PCDH9: variants seen among roughly 807,000 people sequenced by gnomAD.
PCDH9 encodes the protein protocadherin 9, also known as protocadherin-9.
Under a neutral mutation model 70.6 loss-of-function variants are expected in PCDH9, and 24 were observed. The ratio of observed to expected loss-of-function variants is 0.34; its 90% CI spans 0.25 to 0.48. The LOEUF is 0.48. Among genes scored for constraint, PCDH9 ranks in the 20% least tolerant of loss-of-function variants. PCDH9 has a pLI of 0.99. For synonymous variants in PCDH9, 562 were observed against 558.5 expected (o/e 1.01, Z -0.09); for missense variants, 1,281 against 1,503.6 (o/e 0.85, Z 2.45).
chr13:66,364,407 T>C (rs907043065), intron 4 of PCDH9, among the ~76,000 whole-genome samples: 6 of 152,166 alleles, frequency 3.9e-5, no homozygotes, highest in Non-Finnish European at 5.9e-5. Context: ...TCCTTCATCA[T>C]TGGAACTTTA....
chr13:67,206,288 C>T (rs2089342980), intron 2 of PCDH9: 1 of 152,394 alleles, frequency 6.6e-6, no homozygotes, highest in Non-Finnish European at 1.5e-5. Flanking sequence ...GCCTCAGTCT[C>T]CCGAGTAGCT....
intron 3 of PCDH9, among the ~76,000 whole-genome samples, chr13:66,770,661 G>A (rs1317782109): frequency 6.6e-6 from 1 of 152,098 alleles, no homozygotes; most frequent in Non-Finnish European, 1.5e-5. Context: ...AGTCATCAAT[G>A]GACTGTTCTT....
chr13:66,816,932 C>A (rs868838071), intron 3 of PCDH9, among the ~76,000 whole-genome samples: 2 of 149,776 alleles, frequency 1.3e-5, no homozygotes, highest in Non-Finnish European at 1.5e-5. Flanking sequence ...TATAAGTCAG[C>A]CCTCCTTATC....
rs368679979 is a variant in PCDH9 at position 66,532,722 on chromosome 13, G to T, written c.3340+98488C>A. Among the ~76,000 whole-genome samples the T allele has an allele frequency of 2.2e-4, 34 of 152,002 alleles. No homozygotes were observed. The Middle Eastern group carries it at 0.01, about 46-fold the overall frequency. ...ATTTTTATATTTTCGGTAGAGACGG[G>T]GTTTCACTTTCGGAGGCCAAGGAGG... On this transcript the variant is annotated intron_variant, in intron 4 of 4. Transcript: ENST00000377865.
intron 2 of PCDH9, among the ~76,000 whole-genome samples, chr13:66,933,327 A>G (rs943473401): frequency 1.3e-5 from 2 of 152,182 alleles, no homozygotes; most frequent in Admixed American, 6.5e-5. Flanking sequence ...ATCAGTTTAG[A>G]GGAAATAAAT....
rs1960972420 is a variant in PCDH9, at chr13:66,541,901, T to C, written c.3340+89309A>G. Among the ~76,000 whole-genome samples the C allele has an allele frequency of 2.0e-5, 3 of 152,180 alleles. No individual in the cohort carries two copies. In the South Asian group the frequency reaches 6.2e-4, roughly 32 times the overall value. On this transcript the variant is annotated intron_variant, in intron 4 of 4. Transcript: ENST00000377865. ...CAGAGAAGTTCCTTGGAGTTTTGTT[T>C]ATCTGTAAATTGATTACTGTTTTCC... is the stretch of plus-strand genomic sequence containing the variant.
chr13:66,360,027 T>A (rs909722745), intron 4 of PCDH9, among the ~76,000 whole-genome samples: 1 of 152,072 alleles, frequency 6.6e-6, no homozygotes, highest in African/African-American at 2.4e-5. Flanking sequence ...CAAAGGTGTT[T>A]TTGTCTTAAG....
At chr13:67,093,803 C>A (rs1049594063) in intron 2 of PCDH9, among the ~76,000 whole-genome samples, 6 of 152,076 alleles carry the variant, frequency 3.9e-5, no homozygotes, top group Non-Finnish European at 4.4e-5. Flanking sequence ...GGTGGTGCAA[C>A]CTGGGGTCTA....
chr13:66,902,135 G>C (rs1488938487), intron 3 of PCDH9, among the ~76,000 whole-genome samples: 1 of 151,478 alleles, frequency 6.6e-6, no homozygotes, highest in Non-Finnish European at 1.5e-5. Flanking sequence ...AAAATCAAAG[G>C]GTTGGAAACT....
intron 3 of PCDH9, among the ~76,000 whole-genome samples, chr13:66,810,559 A>G (rs1010290395): frequency 2.0e-5 from 3 of 152,058 alleles, no homozygotes; most frequent in African/African-American, 7.2e-5. Flanking sequence ...AGCTATTAAT[A>G]TTGCTTATGC....
Position 66,539,119 on chromosome 13 carries a change from T to C in PCDH9, c.3340+92091A>G, listed in dbSNP as rs1183993960. On this transcript the variant is annotated intron_variant, in intron 4 of 4. Coordinates refer to ENST00000377865, the MANE Select transcript of PCDH9 (RefSeq NM_203487.3). ...TATTGCAATATTTACCTGTCTAATA[T>C]GCTCATAGAAGATTTTAGAATTAAA... Among the ~76,000 whole-genome samples, 3 of 152,122 alleles carry C rather than the reference T, an allele frequency of 2.0e-5. No homozygotes were observed. In the East Asian group the frequency reaches 5.8e-4, roughly 29 times the overall value.
intron 3 of PCDH9, among the ~76,000 whole-genome samples, chr13:66,758,005 C>T (rs992528433): frequency 3.3e-5 from 5 of 151,788 alleles, no homozygotes; most frequent in African/African-American, 1.2e-4. Context: ...TACAAATAAT[C>T]CAACATTATC....
At chr13:66,416,044 G>A (rs1220480126) in intron 4 of PCDH9, among the ~76,000 whole-genome samples, 11 of 152,156 alleles carry the variant, frequency 7.2e-5, no homozygotes. Flanking sequence ...GAAGCCAGAG[G>A]AATGCCTCAT....
intron 3 of PCDH9, among the ~76,000 whole-genome samples, chr13:66,831,608 A>C (rs1419691045): frequency 6.6e-6 from 1 of 152,196 alleles, no homozygotes; most frequent in African/African-American, 2.4e-5. Flanking sequence ...CCTAATCTTC[A>C]GTTAACCTCT....
At chr13:67,089,030 T>C (rs2138205390) in intron 2 of PCDH9, among the ~76,000 whole-genome samples, 1 of 152,122 alleles carries the variant, frequency 6.6e-6, no homozygotes. Flanking sequence ...GTATATGCAT[T>C]GCCTTCATCA....
chr13:66,494,021 A>G (rs1010599806), intron 4 of PCDH9, among the ~76,000 whole-genome samples: 1 of 152,172 alleles, frequency 6.6e-6, no homozygotes. Flanking sequence ...CATTTTTAAG[A>G]CTTATGAATT....
intron 3 of PCDH9, among the ~76,000 whole-genome samples, chr13:66,640,651 C>T (rs1293330170): frequency 6.6e-6 from 1 of 151,852 alleles, no homozygotes; most frequent in Non-Finnish European, 1.5e-5. Context: ...TAATTCAAGC[C>T]TTTAAAGGAC....
chr13:66,333,212 G>A (rs530459549), intron 4 of PCDH9, among the ~76,000 whole-genome samples: 1 of 151,020 alleles, frequency 6.6e-6, no homozygotes, highest in Admixed American at 6.6e-5. Flanking sequence ...GTGTAGATTT[G>A]AAGGAACAAG....
At chr13:66,981,944 G>C (rs2083779690) in intron 2 of PCDH9, among the ~76,000 whole-genome samples, 1 of 152,106 alleles carries the variant, frequency 6.6e-6, no homozygotes, top group Non-Finnish European at 1.5e-5. Flanking sequence ...GATATTGTTT[G>C]GATATTGGTC....
Sources: gnomAD v4.1 joint callset for allele counts (sites outside exome capture counted in the v4.1 genomes callset) on GRCh38, gnomAD v4.1.1 for gene constraint, MANE v1.5 for transcripts, NCBI Gene and HGNC (gene_info 2026-07-23, HGNC 2026-07-21) for gene names.